The following ZNF18 variants were observed in gnomAD, a reference collection of about 807,000 sequenced individuals.
The protein encoded by ZNF18 is heart development-specific gene 1 protein.
A neutral mutation model predicts 58.1 loss-of-function variants in ZNF18; 42 were observed. That is an observed-to-expected ratio of 0.72 (90% CI 0.56 to 0.93). The LOEUF is 0.93. ZNF18 is among the 40% of genes least tolerant of loss of function. ZNF18 has a pLI of 0.00. For missense variants in ZNF18, 540 were observed against 644.2 expected (o/e 0.84, Z 1.75); for synonymous variants, 231 against 239.8 (o/e 0.96, Z 0.34).
chr17:12,012,592 C>T, the ZNF18 span, among the ~76,000 whole-genome samples: 2 of 152,178 alleles, frequency 1.3e-5, no homozygotes, highest in African/African-American at 4.8e-5. Context: ...TAGAAGAATG[C>T]CAGTTGCCCA....
chr17:12,020,878 CTCCCAACAA>C, the ZNF18 span: 1 of 1,189,920 alleles, frequency 8.4e-7, no homozygotes, highest in African/African-American at 1.6e-5. Flanking sequence ...CGGCTCTTCA[CTCCCAACAA>C]TGGCGGCTCC....
upstream of ZNF18, chr17:11,998,224 A>C (rs1359235331): frequency 6.6e-6 from 1 of 152,190 alleles, no homozygotes; most frequent in Non-Finnish European, 1.5e-5. Flanking sequence ...CACCATTTGT[A>C]ATGGTCAAGA....
At chr17:12,004,060 G>A in the ZNF18 span, among the ~76,000 whole-genome samples, 8 of 152,126 alleles carry the variant, frequency 5.3e-5, no homozygotes, top group South Asian at 1.0e-3. Context: ...GTGAAATCCC[G>A]TCTCTACTAA....
chr17:12,014,709 G>C, the ZNF18 span, among the ~76,000 whole-genome samples: 2 of 152,138 alleles, frequency 1.3e-5, no homozygotes, highest in African/African-American at 4.8e-5. Flanking sequence ...TGATAAAAGT[G>C]TCCTAAATTT....
the ZNF18 span, among the ~76,000 whole-genome samples, chr17:12,015,584 G>A: frequency 6.6e-6 from 1 of 152,094 alleles, no homozygotes; most frequent in Non-Finnish European, 1.5e-5. Flanking sequence ...GACACACAGT[G>A]GAAAAAATTG....
intron 4 of ZNF18, among the ~76,000 whole-genome samples, chr17:11,987,169 A>G (rs773827444): frequency 1.3e-5 from 2 of 152,254 alleles, no homozygotes; most frequent in African/African-American, 4.8e-5. Flanking sequence ...TTGTGGGTTT[A>G]TAAGATATTA....
At chr17:11,994,130 A>G (rs192877748) in intron 1 of ZNF18, among the ~76,000 whole-genome samples, 8 of 152,032 alleles carry the variant, frequency 5.3e-5, no homozygotes, top group African/African-American at 1.9e-4. Context: ...AGCAATTTTT[A>G]AAAAAAGATA....
intron 6 of ZNF18, among the ~76,000 whole-genome samples, 170 bp from the exon 7 acceptor site, chr17:11,978,914 C>G (rs964439052): frequency 4.3e-5 from 5 of 116,650 alleles, no homozygotes; most frequent in African/African-American, 1.6e-4. Context: ...CCCAAATGTT[C>G]AAACTCACTT....
Position 11,992,799 on chromosome 17 carries a change from G to A in ZNF18, c.31C>T (p.Leu11=), listed in dbSNP as rs781583325. The stretch of plus-strand genomic sequence containing the variant: ...TCGGCCTTCGCCAGCGATGGCAGCA[G>A]GCCTAGGGCCTGCCCCAAGTCAACG... MPVDLGQALG[L]LPSLAKAEDS... Residue 11 remains leucine (L), a synonymous_variant, in exon 2 of 7, where the codon CTG becomes TTG. Transcript: ENST00000580306. 1.2e-6 allele frequency: 2 copies of A among 1,613,648 alleles called. No individual in the cohort carries two copies. The highest frequency in any genetic ancestry group is 2.2e-5 in the East Asian group (1 of 44,884).
intron 6 of ZNF18, among the ~76,000 whole-genome samples, chr17:11,981,325 T>G (rs1301548206): frequency 6.6e-6 from 1 of 151,254 alleles, no homozygotes; most frequent in Non-Finnish European, 1.5e-5. Flanking sequence ...CCTCTTTTTT[T>G]TTTTTTTTTT....
upstream of ZNF18, among the ~76,000 whole-genome samples, chr17:11,999,771 G>A (rs1391539652): frequency 1.3e-5 from 2 of 152,238 alleles, no homozygotes; most frequent in African/African-American, 4.8e-5. Context: ...TTGGGGTAAG[G>A]AGGAGAGGTA....
the ZNF18 span, among the ~76,000 whole-genome samples, chr17:12,013,760 A>G: frequency 9.9e-5 from 15 of 152,230 alleles, no homozygotes; most frequent in East Asian, 3.8e-4. Flanking sequence ...AAAACAGAGA[A>G]TTTCCTATGT....
chr17:11,988,788 T>C (rs62062048), intron 4 of ZNF18, among the ~76,000 whole-genome samples: 37,120 of 150,958 alleles, frequency 0.25, 5,267 homozygotes, highest in Middle Eastern at 0.35. Context: ...CAAAAATATA[T>C]AGCACCCCAC....
the ZNF18 span, among the ~76,000 whole-genome samples, chr17:12,016,392 C>T: frequency 2.6e-5 from 4 of 152,070 alleles, no homozygotes; most frequent in Non-Finnish European, 5.9e-5. Context: ...AGCAGTGGCA[C>T]GATCTTGGCT....
chr17:11,980,423 T>C (rs1020146269), intron 6 of ZNF18, among the ~76,000 whole-genome samples: 5 of 152,162 alleles, frequency 3.3e-5, no homozygotes, highest in African/African-American at 1.2e-4. Context: ...GTCATGGTCA[T>C]GAAAACTTTT....
intron 6 of ZNF18, among the ~76,000 whole-genome samples, chr17:11,980,224 A>G (rs761707344): frequency 2.0e-5 from 3 of 152,192 alleles, no homozygotes; most frequent in Non-Finnish European, 4.4e-5. Flanking sequence ...TATGCCATTT[A>G]GATGGATGAA....
upstream of ZNF18, chr17:12,002,432 T>C (rs1008597567): frequency 6.6e-6 from 1 of 152,042 alleles, no homozygotes; most frequent in African/African-American, 2.4e-5. Context: ...AAAAAAGATA[T>C]TAACTTTTTT....
In ZNF18 at chr17:11,978,709, A is replaced by G; in HGVS notation, c.898T>C (p.Leu300=). 1.2e-6 allele frequency: 2 copies of G among 1,601,702 alleles called. No individual in the cohort carries two copies. Among genetic ancestry groups the G allele is most frequent in the Non-Finnish European group, 1.7e-6 (2 of 1,178,112 alleles). Residue 300 remains leucine, a synonymous_variant, in exon 7 of 7, where the codon TTG becomes CTG. Transcript: ENST00000580306. ...AGCTCCTGGTCCCTGTGATTCTCCA[A>G]ATTTAGGTTCTCCTTGTCATTCTCT... ...RQENDKENLN[L]ENHRDQELLH... is the part of the protein sequence containing the mutation.
At chr17:11,997,954 C>T (rs1968575323), upstream of ZNF18, among the ~76,000 whole-genome samples, 1 of 152,168 alleles carries the variant, frequency 6.6e-6, no homozygotes, top group Non-Finnish European at 1.5e-5. Flanking sequence ...TTCTCCCACT[C>T]TCATCAGCTC....
Sources: allele counts gnomAD v4.1 joint callset (sites outside exome capture counted in the v4.1 genomes callset), GRCh38; gene constraint gnomAD v4.1.1; transcripts MANE v1.5; gene names NCBI Gene and HGNC (gene_info 2026-07-23, HGNC 2026-07-21).